NFIB: variants seen among roughly 807,000 people sequenced by gnomAD.
NFIB encodes the protein nuclear factor 1 B-type.
Under a neutral mutation model 61.5 loss-of-function variants are expected in NFIB, and 11 were observed. The ratio of observed to expected loss-of-function variants is 0.18; its 90% CI spans 0.11 to 0.30. The LOEUF (loss-of-function observed/expected upper bound fraction) is 0.30, where lower values mean the gene tolerates loss of function less well. Ranked by LOEUF, NFIB falls within the 10% of genes least tolerant of loss-of-function variation. The probability of loss-of-function intolerance (pLI) is 1.00; values close to 1 mark genes in which losing one functional copy is unlikely to be tolerated. For synonymous variants in NFIB, 260 were observed against 216.5 expected, an observed-to-expected ratio of 1.20 and a Z score of -1.76; for missense variants, 471 against 608.9, an observed-to-expected ratio of 0.77 and a Z score of 2.38.
At chr9:14,276,164 A>G (rs2057983970) in intron 2 of NFIB, among the ~76,000 whole-genome samples, 2 of 152,096 alleles carry the variant, frequency 1.3e-5, no homozygotes. Flanking sequence ...TCAAGCACAA[A>G]TTTTCTTTGG....
intron 3 of NFIB, among the ~76,000 whole-genome samples, chr9:14,175,896 A>G (rs2046134743): frequency 6.6e-6 from 1 of 152,202 alleles, no homozygotes. Flanking sequence ...AAAATAAGAC[A>G]TTAGTTTGGA....
rs2038766483 is a variant in NFIB at position 14,120,395 on chromosome 9, C to T, written c.1245+45G>A. 1 of 1,585,014 alleles carries T rather than the reference C, an allele frequency of 6.3e-7. No individual in the cohort carries two copies. Among genetic ancestry groups the T allele is most frequent in the Non-Finnish European group, 8.7e-7 (1 of 1,154,388 alleles). On this transcript the variant is annotated intron_variant, in intron 8 of 10. Transcript: ENST00000380953. The surrounding 1 kb of genome is among the most constrained non-coding windows in gnomAD (Gnocchi z 4.4). ...CTTTGTGTCTCAGAATTAGATCTGT[C>T]CCATCTCCCTTAGGTGCTAATCTTA...
the NFIB span, among the ~76,000 whole-genome samples, chr9:14,471,550 C>T: frequency 6.6e-6 from 1 of 152,342 alleles, no homozygotes; most frequent in Non-Finnish European, 1.5e-5. Flanking sequence ...TGCAAAGCTT[C>T]TAAAATCATA....
At position 14,120,649 on chromosome 9, in the gene NFIB, T is replaced by C. The variant is rs757746540; in HGVS notation, c.1061-25A>G. 113 of 1,569,494 alleles carry C rather than the reference T, an allele frequency of 7.2e-5. 3 individuals carry two copies. The South Asian group carries it at 1.0e-3, about 14-fold the overall frequency. Reference sequence around the variant, plus strand: ...ACTGCAGAAGACAGAAAAGGAAAGATTGACTCATCAGCTGGTTACCTTATT... The same window carrying C: ...ACTGCAGAAGACAGAAAAGGAAAGACTGACTCATCAGCTGGTTACCTTATT... On this transcript the variant is annotated intron_variant, in intron 7 of 10. Coordinates refer to ENST00000380953, the MANE Select transcript of NFIB (RefSeq NM_001190737.2). This position sits in a 1 kb window ranked among gnomAD's most constrained non-coding sequence, Gnocchi z 4.4.
At chr9:14,345,494 G>A (rs1564021373) in intron 1 of NFIB, among the ~76,000 whole-genome samples, 1 of 152,168 alleles carries the variant, frequency 6.6e-6, no homozygotes, top group South Asian at 2.1e-4. Context: ...CAAAGGGTCT[G>A]AGGCTATGCG....
At chr9:14,479,466 A>T in the NFIB span, among the ~76,000 whole-genome samples, 1 of 152,194 alleles carries the variant, frequency 6.6e-6, no homozygotes, top group Non-Finnish European at 1.5e-5. Context: ...CAATCTGTCC[A>T]TGTCCCCAGC....
At chr9:14,220,980 C>T (rs966269201) in intron 2 of NFIB, among the ~76,000 whole-genome samples, 1 of 151,972 alleles carries the variant, frequency 6.6e-6, no homozygotes, top group Non-Finnish European at 1.5e-5. Context: ...CCCATCTACT[C>T]CCTCACCCGA....
chr9:14,171,276 G>A lies in NFIB; in HGVS notation c.616+8451C>T, dbSNP rs557387425. ...TTCCCTTCCTTTCCCCTTCTTCCATGTGAAATGCTCTTTCCTCGGCTAGGA... is the reference window on the plus strand; with the variant it reads ...TTCCCTTCCTTTCCCCTTCTTCCATATGAAATGCTCTTTCCTCGGCTAGGA... On this transcript the variant is annotated intron_variant, in intron 3 of 10. Transcript: ENST00000380953. 3.9e-5 allele frequency among the ~76,000 whole-genome samples: 6 copies of A among 152,128 alleles called. No homozygotes were observed. The South Asian group carries it at 1.2e-3, about 31-fold the overall frequency.
At chr9:14,263,205 A>T (rs1203368854) in intron 2 of NFIB, among the ~76,000 whole-genome samples, 1 of 151,928 alleles carries the variant, frequency 6.6e-6, no homozygotes, top group East Asian at 1.9e-4. Context: ...AACTACTGTT[A>T]AACAAGGTTT....
chr9:14,440,850 G>T, the NFIB span, among the ~76,000 whole-genome samples: 2 of 152,226 alleles, frequency 1.3e-5, no homozygotes, highest in South Asian at 4.1e-4. Flanking sequence ...ACTTTAAAAA[G>T]AATAATAAAC....
At chr9:14,290,440 A>C (rs890279974) in intron 2 of NFIB, among the ~76,000 whole-genome samples, 1 of 152,056 alleles carries the variant, frequency 6.6e-6, no homozygotes, top group Admixed American at 6.6e-5. Flanking sequence ...TAAGCACTTC[A>C]CAAGTATTTT....
At chr9:14,382,210 T>C (rs7036029) in intron 1 of NFIB, among the ~76,000 whole-genome samples, 53,077 of 152,054 alleles carry the variant, frequency 0.35, 9,756 homozygotes, top group Non-Finnish European at 0.4. Context: ...AGATACCCTC[T>C]GGAAGGCAAT....
intron 2 of NFIB, among the ~76,000 whole-genome samples, chr9:14,223,001 C>T (rs2051886656): frequency 6.6e-6 from 1 of 152,034 alleles, no homozygotes; most frequent in African/African-American, 2.4e-5. Flanking sequence ...CCCTGGGCCA[C>T]ACTAGAAGAA....
the NFIB span, among the ~76,000 whole-genome samples, chr9:14,478,054 G>C: frequency 6.6e-6 from 1 of 151,976 alleles, no homozygotes; most frequent in East Asian, 1.9e-4. Context: ...GCCAAGAAAG[G>C]CTCCCTATTC....
chr9:14,233,932 T>G (rs2053471055), intron 2 of NFIB, among the ~76,000 whole-genome samples: 1 of 152,220 alleles, frequency 6.6e-6, no homozygotes, highest in African/African-American at 2.4e-5. Context: ...AGGAAAATTT[T>G]TGTTTAATTT....
chr9:14,215,630 G>C (rs1173721045), intron 2 of NFIB, among the ~76,000 whole-genome samples: 1 of 152,098 alleles, frequency 6.6e-6, no homozygotes, highest in African/African-American at 2.4e-5. Context: ...TTCTCAAGAA[G>C]TCAGATAAAG....
intron 7 of NFIB, among the ~76,000 whole-genome samples, chr9:14,123,620 G>C (rs1255591620): frequency 2.0e-5 from 3 of 152,186 alleles, no homozygotes; most frequent in Non-Finnish European, 4.4e-5. Context: ...GATATTTGTG[G>C]ATCCTTGGCT....
At chr9:14,511,453 CTAT>C in the NFIB span, among the ~76,000 whole-genome samples, 18 of 152,058 alleles carry the variant, frequency 1.2e-4, no homozygotes, top group Admixed American at 7.8e-4. Flanking sequence ...ATAATGGCAA[CTAT>C]TGAGTGCTTA....
At chr9:14,502,258 C>G in the NFIB span, among the ~76,000 whole-genome samples, 1 of 152,184 alleles carries the variant, frequency 6.6e-6, no homozygotes, top group Non-Finnish European at 1.5e-5. Flanking sequence ...TACACATAGC[C>G]TCACATATGT....
Sources: gnomAD v4.1 joint callset for allele counts (sites outside exome capture counted in the v4.1 genomes callset) on GRCh38, gnomAD v4.1.1 for gene constraint, Gnocchi (gnomAD v3.1) non-coding constraint, MANE v1.5 for transcripts, NCBI Gene and HGNC (gene_info 2026-07-23, HGNC 2026-07-21) for gene names.